GRIP2: variants seen among roughly 807,000 people sequenced by gnomAD.
The protein encoded by GRIP2 is glutamate receptor-interacting protein 2.
Under a neutral mutation model 108.3 loss-of-function variants are expected in GRIP2, and 58 were observed. The observed-to-expected ratio is 0.54, with a 90% CI of 0.43 to 0.67. GRIP2 has a LOEUF of 0.67. Among genes scored for constraint, GRIP2 ranks in the 30% least tolerant of loss-of-function variants. The pLI is 0.00. For missense variants in GRIP2, 1,278 were observed against 1,430.6 expected (o/e 0.89, Z 1.72); for synonymous variants, 586 against 598.2 (o/e 0.98, Z 0.30).
the GRIP2 span, among the ~76,000 whole-genome samples, chr3:14,572,361 C>T: frequency 6.6e-4 from 101 of 151,888 alleles, no homozygotes; most frequent in South Asian, 2.9e-3. Flanking sequence ...CGCCTGTAAT[C>T]CCAGCACTTT....
At chr3:14,534,954 T>C (rs1694799367) in intron 1 of GRIP2, among the ~76,000 whole-genome samples, 2 of 152,034 alleles carry the variant, frequency 1.3e-5, no homozygotes, top group African/African-American at 4.8e-5. Context: ...GGTGGGACTA[T>C]AAAGTCAGCC....
chr3:14,494,206 T>C (rs1693505321), intron 23 of GRIP2, among the ~76,000 whole-genome samples: 1 of 152,194 alleles, frequency 6.6e-6, no homozygotes, highest in Non-Finnish European at 1.5e-5. Context: ...AAGCAAGGGG[T>C]GCAAGATTTT....
upstream of GRIP2, among the ~76,000 whole-genome samples, chr3:14,543,113 C>T (rs1390359636): frequency 6.6e-6 from 1 of 152,176 alleles, no homozygotes; most frequent in East Asian, 1.9e-4. Context: ...GAGTCCATGG[C>T]CGAAATCCCA....
the GRIP2 span, chr3:14,573,828 A>G: frequency 5.3e-6 from 8 of 1,504,314 alleles, no homozygotes; most frequent in East Asian, 9.0e-5. Flanking sequence ...GCTGGAATGG[A>G]TGGGTCACTT....
intron 23 of GRIP2, 47 bp downstream of exon 23, chr3:14,494,796 T>C: frequency 4.4e-6 from 7 of 1,581,726 alleles, no homozygotes; most frequent in Non-Finnish European, 6.0e-6. Context: ...ACCCTCAGGC[T>C]AGGAAACAAT....
At chr3:14,526,064 C>G (rs948173955) in intron 1 of GRIP2, 133 bp from the exon 2 acceptor site, 14 of 726,516 alleles carry the variant, frequency 1.9e-5, no homozygotes, top group Middle Eastern at 3.4e-4. Flanking sequence ...CAGCTCCACC[C>G]GATTCTCTGC....
At chr3:14,554,200 C>T (rs1318176058) in intron 1 of GRIP2, among the ~76,000 whole-genome samples, 1 of 152,174 alleles carries the variant, frequency 6.6e-6, no homozygotes, top group African/African-American at 2.4e-5. Context: ...GGTTGAGTAG[C>T]CATCCAAGGC....
At chr3:14,587,346 TCC>T in the GRIP2 span, among the ~76,000 whole-genome samples, 1 of 151,958 alleles carries the variant, frequency 6.6e-6, no homozygotes, top group Non-Finnish European at 1.5e-5. Flanking sequence ...GGGCCAAGAG[TCC>T]AATCCTAGCT....
chr3:14,504,309 GTTTT>G (rs35560980), intron 20 of GRIP2, among the ~76,000 whole-genome samples: 94 of 121,582 alleles, frequency 7.7e-4, no homozygotes, highest in Non-Finnish European at 1.3e-3. Context: ...GCACTTGCTT[GTTTT>G]TTTTTTTTTT....
At chr3:14,592,544 C>T in the GRIP2 span, among the ~76,000 whole-genome samples, 2 of 152,206 alleles carry the variant, frequency 1.3e-5, no homozygotes, top group Admixed American at 6.5e-5. Context: ...AGGTCGCCTA[C>T]CAGGACGTGG....
chr3:14,537,678 G>T (rs553742344), intron 1 of GRIP2, among the ~76,000 whole-genome samples: 13 of 152,382 alleles, frequency 8.5e-5, no homozygotes, highest in African/African-American at 2.9e-4. Flanking sequence ...TGTGGAGTAG[G>T]AGGCCAGGCC....
chr3:14,586,660 T>C, the GRIP2 span, among the ~76,000 whole-genome samples: 572 of 152,278 alleles, frequency 3.8e-3, 5 homozygotes, highest in African/African-American at 0.013. Flanking sequence ...CCCTTAAAAA[T>C]GACAAGTGTA....
the GRIP2 span, among the ~76,000 whole-genome samples, chr3:14,583,787 A>G: frequency 6.6e-6 from 1 of 152,174 alleles, no homozygotes; most frequent in African/African-American, 2.4e-5. Context: ...ATGCATATTT[A>G]TTAGGAAGAG....
chr3:14,501,333 T>A (rs1196493197), intron 21 of GRIP2, among the ~76,000 whole-genome samples: 2 of 152,248 alleles, frequency 1.3e-5, no homozygotes, highest in African/African-American at 4.8e-5. Flanking sequence ...CACTTTAAAC[T>A]GGTTAAAATT....
chr3:14,511,531 G>T lies in GRIP2; in HGVS notation c.1721-52C>A, dbSNP rs117596866. 6.0e-3 allele frequency: 9,434 copies of T among 1,574,114 alleles called. 73 individuals are homozygous for T. Among genetic ancestry groups the T allele is most frequent in the South Asian group, 0.02 (1,819 of 89,078 alleles). ...ACCTTGGTGGCCTCAGCCTGGGGTG[G>T]GGTGGCGAAGCCCAGGGGTCTGAGT... On this transcript the variant is annotated intron_variant, in intron 14 of 23. Transcript: ENST00000621039. This position sits in a 1 kb window ranked among gnomAD's most constrained non-coding sequence, Gnocchi z 4.1.
chr3:14,503,955 T>G, intron 20 of GRIP2: 2 of 443,690 alleles, frequency 4.5e-6, no homozygotes, highest in Non-Finnish European at 8.2e-6. Context: ...ACAGGATGCC[T>G]AGGAAGAGAG....
rs188552905 is a variant in GRIP2, at chr3:14,512,525, G to A, written c.1720+252C>T. 3.4e-3 allele frequency among the ~76,000 whole-genome samples: 516 copies of A among 152,218 alleles called. 1 individual carries two copies. Among genetic ancestry groups the A allele is most frequent in the Non-Finnish European group, 5.6e-3 (381 of 68,006 alleles). On this transcript the variant is annotated intron_variant, in intron 14 of 23. Transcript: ENST00000621039. The surrounding 1 kb of genome is among the most constrained non-coding windows in gnomAD (Gnocchi z 5.1). ...CTCTCTCACCATGGGCACCTCACAA[G>A]CCCCCTGGGAGACCCACGAGGCCAG...
Position 14,505,617 on chromosome 3 carries a change from C to T in GRIP2, c.2571G>A (p.Thr857=), listed in dbSNP as rs1246899947. Residue 857 remains threonine (T), a splice_region_variant and synonymous_variant, in exon 20 of 24, where the codon ACG becomes ACA. Coordinates refer to ENST00000621039, the MANE Select transcript of GRIP2 (RefSeq NM_001080423.4). The surrounding 1 kb of genome is among the most constrained non-coding windows in gnomAD (Gnocchi z 4.2). ...TTCACGGTGCTCCCACCACAGACCT[C>T]GTTGGCGGCTCCCAATCATCCTCCT... The part of the protein sequence containing the change: ...EEEEDDWEPP[T]SPAPGPAREE... The T allele has an allele frequency of 1.9e-6, 3 of 1,609,590 alleles. No individual in the cohort carries two copies. Among genetic ancestry groups the T allele is most frequent in the South Asian group, 1.1e-5 (1 of 90,004 alleles).
intron 1 of GRIP2, among the ~76,000 whole-genome samples, chr3:14,536,614 T>G (rs902953588): frequency 6.6e-6 from 1 of 152,210 alleles, no homozygotes; most frequent in Non-Finnish European, 1.5e-5. Flanking sequence ...GAGGGGCTCC[T>G]GTCCAGCAGG....
Sources: allele counts gnomAD v4.1 joint callset (sites outside exome capture counted in the v4.1 genomes callset), GRCh38; gene constraint gnomAD v4.1.1; non-coding constraint Gnocchi (gnomAD v3.1); transcripts MANE v1.5; gene names NCBI Gene and HGNC (gene_info 2026-07-23, HGNC 2026-07-21).